Variants in OPCML observed in about 807,000 individuals in gnomAD.
The protein encoded by OPCML is opioid binding protein/cell adhesion molecule like, also known as opioid-binding protein/cell adhesion molecule.
In OPCML, 13 loss-of-function variants were observed where a neutral mutation model predicts 37.8. That is an observed-to-expected ratio of 0.34 (90% CI 0.22 to 0.55). The LOEUF (loss-of-function observed/expected upper bound fraction) is 0.55, where lower values mean the gene tolerates loss of function less well. Among genes scored for constraint, OPCML ranks in the 20% least tolerant of loss-of-function variants. The probability of loss-of-function intolerance (pLI) is 0.91; values close to 1 mark genes in which losing one functional copy is unlikely to be tolerated. For synonymous variants in OPCML, 176 were observed against 168.8 expected, an observed-to-expected ratio of 1.04 and a Z score of -0.33; for missense variants, 341 against 435.6, an observed-to-expected ratio of 0.78 and a Z score of 1.93.
chr11:132,815,245 G>C (rs1035902772), intron 2 of OPCML, among the ~76,000 whole-genome samples: 10 of 151,994 alleles, frequency 6.6e-5, no homozygotes, highest in Non-Finnish European at 1.2e-4. Flanking sequence ...GACCTACCTG[G>C]ACTTTTAAGT....
chr11:132,421,071 G>A (rs1011909460), intron 7 of OPCML, among the ~76,000 whole-genome samples: 6 of 151,964 alleles, frequency 3.9e-5, no homozygotes, highest in Admixed American at 3.3e-4. Context: ...AGTATCATGA[G>A]TGCTGTTCTT....
chr11:133,024,731 C>T (rs2136909639), intron 1 of OPCML: 1 of 937,714 alleles, frequency 1.1e-6, no homozygotes, highest in Non-Finnish European at 1.3e-6. Flanking sequence ...TTTGCCAGCC[C>T]TCGCGCTTTT....
At chr11:133,107,365 C>T (rs773020925) in intron 1 of OPCML, among the ~76,000 whole-genome samples, 3 of 152,208 alleles carry the variant, frequency 2.0e-5, no homozygotes, top group Non-Finnish European at 2.9e-5. Flanking sequence ...CCTGGACAGA[C>T]GCTGAGATAA....
chr11:132,961,096 G>A (rs1274606617), intron 1 of OPCML, among the ~76,000 whole-genome samples: 7 of 152,106 alleles, frequency 4.6e-5, no homozygotes, highest in Non-Finnish European at 1.0e-4. Context: ...AATAACCCTC[G>A]GCATCCTCAT....
chr11:132,670,278 C>T (rs1322149387), intron 2 of OPCML, among the ~76,000 whole-genome samples: 1 of 152,132 alleles, frequency 6.6e-6, no homozygotes, highest in East Asian at 1.9e-4. Context: ...CAGGCTCCCG[C>T]ACAACTATCG....
rs143975798 is a variant in OPCML, at chr11:133,266,259, C to T, written c.61+266005G>A. Among the ~76,000 whole-genome samples, 1,194 of 152,204 alleles carry T rather than the reference C, an allele frequency of 7.8e-3. 20 individuals are homozygous for T. Among genetic ancestry groups the T allele is most frequent in the African/African-American group, 0.027 (1,124 of 41,512 alleles). ...CCACCCTAGCACACTTTGGCTCCAT[C>T]CAGAAGGAACTTTCAATTATTTGAT... On this transcript the variant is annotated intron_variant, in intron 1 of 7. Transcript: ENST00000524381.
intron 1 of OPCML, among the ~76,000 whole-genome samples, chr11:133,102,100 C>A (rs189518737): frequency 3.3e-5 from 5 of 152,276 alleles, no homozygotes; most frequent in Admixed American, 6.5e-5. Context: ...GCAGTAAAAT[C>A]ATTCTGTATG....
chr11:133,262,808 G>A (rs1353886917), intron 1 of OPCML, among the ~76,000 whole-genome samples: 1 of 151,958 alleles, frequency 6.6e-6, no homozygotes, highest in Non-Finnish European at 1.5e-5. Flanking sequence ...TCCCCAGGAA[G>A]AGCGTGCAGG....
intron 1 of OPCML, among the ~76,000 whole-genome samples, chr11:133,505,755 G>C (rs1948016371): frequency 6.6e-6 from 1 of 152,212 alleles, no homozygotes. Context: ...TCCTTAGAAA[G>C]AGGACATGAA....
At chr11:133,458,820 C>CACGTGTGTGTGTATATACACATAGATGA in intron 1 of OPCML, among the ~76,000 whole-genome samples, 1 of 150,346 alleles carries the variant, frequency 6.7e-6, no homozygotes, top group Non-Finnish European at 1.5e-5. Context: ...CACATAGATG[C>CACGTGTGTGTGTATATACACATAGATGA]ACGTGTGTGT....
intron 3 of OPCML, among the ~76,000 whole-genome samples, chr11:132,539,561 C>T (rs923702024): frequency 6.6e-6 from 1 of 151,756 alleles, no homozygotes; most frequent in African/African-American, 2.4e-5. Flanking sequence ...GATCATGGTA[C>T]TGATGATAAA....
At position 132,419,298 on chromosome 11, in the gene OPCML, G is replaced by T. The variant is rs1263717304; in HGVS notation, c.*895C>A. 6.6e-6 allele frequency: 1 copy of T among 152,196 alleles called. No homozygotes were observed. Among genetic ancestry groups the T allele is most frequent in the Non-Finnish European group, 1.5e-5 (1 of 68,032 alleles). The allele number at this position is 152,196 out of a possible 1,614,324, so 9.4% of individuals were successfully genotyped here. A position where few individuals can be genotyped will look rare whatever the true frequency, so the allele number is the denominator to read the frequency against. ...TAGATTGATAAACAGTAAATAGATT[G>T]CTAGAGAGGAAGACAGGTGGGTAGA... is the stretch of plus-strand genomic sequence containing the variant. On this transcript the variant is annotated 3_prime_UTR_variant, in exon 8 of 8. Transcript: ENST00000524381.
intron 2 of OPCML, among the ~76,000 whole-genome samples, chr11:132,680,262 A>T (rs917659390): frequency 6.6e-6 from 1 of 152,136 alleles, no homozygotes; most frequent in Non-Finnish European, 1.5e-5. Flanking sequence ...CCACTTTATC[A>T]TGGGCCCTCT....
At chr11:133,497,065 A>T (rs1947802270) in intron 1 of OPCML, among the ~76,000 whole-genome samples, 1 of 152,160 alleles carries the variant, frequency 6.6e-6, no homozygotes, top group African/African-American at 2.4e-5. Flanking sequence ...ATTACATTAA[A>T]GTGTGTCCCT....
intron 4 of OPCML, among the ~76,000 whole-genome samples, chr11:132,519,570 C>T (rs995667250): frequency 3.3e-5 from 5 of 152,004 alleles, no homozygotes; most frequent in Non-Finnish European, 4.4e-5. Context: ...CGAAAATGTA[C>T]GCAAGCAAAG....
chr11:132,935,000 A>G (rs950957067), intron 2 of OPCML, among the ~76,000 whole-genome samples: 1 of 152,062 alleles, frequency 6.6e-6, no homozygotes, highest in African/African-American at 2.4e-5. Flanking sequence ...TAACCCGGGC[A>G]TGGTGATGCA....
At chr11:133,083,325 G>A (rs964795579) in intron 1 of OPCML, among the ~76,000 whole-genome samples, 2 of 152,058 alleles carry the variant, frequency 1.3e-5, no homozygotes, top group African/African-American at 4.8e-5. Flanking sequence ...GCCCCTCTCC[G>A]AGGCCCCGCG....
At position 132,612,026 on chromosome 11, in the gene OPCML, C is replaced by A. The variant is rs1375633701; in HGVS notation, c.379+45061G>T. ...CTTGGTGTTTGATTATATATGCTGC[C>A]AGAAAATGGTATAATAATTTCCTTC... is the stretch of plus-strand genomic sequence containing the variant. On this transcript the variant is annotated intron_variant, in intron 3 of 7. Coordinates refer to ENST00000524381, the MANE Select transcript of OPCML (RefSeq NM_001012393.5). 4.6e-5 allele frequency among the ~76,000 whole-genome samples: 7 copies of A among 152,006 alleles called. No homozygotes were observed. In the East Asian group the frequency reaches 1.4e-3, roughly 29 times the overall value.
chr11:132,480,280 T>A (rs1484748822), intron 4 of OPCML, among the ~76,000 whole-genome samples: 2 of 151,968 alleles, frequency 1.3e-5, no homozygotes, highest in African/African-American at 4.8e-5. Flanking sequence ...TGATGGAAGA[T>A]GAAATGAATG....
Sources: gnomAD v4.1 joint callset for allele counts (sites outside exome capture counted in the v4.1 genomes callset) on GRCh38, gnomAD v4.1.1 for gene constraint, MANE v1.5 for transcripts, NCBI Gene and HGNC (gene_info 2026-07-23, HGNC 2026-07-21) for gene names.